The following DAB1 variants were observed in gnomAD, a reference collection of about 807,000 sequenced individuals.
DAB1 encodes the protein DAB adaptor protein 1, also known as disabled homolog 1.
In DAB1, 15 loss-of-function variants were observed where a neutral mutation model predicts 64.6. The observed-to-expected ratio is 0.23, with a 90% CI of 0.16 to 0.36. DAB1 has a LOEUF of 0.36. DAB1 is among the 10% of genes least tolerant of loss of function. The pLI is 1.00. For synonymous variants in DAB1, 235 were observed against 251.9 expected, an observed-to-expected ratio of 0.93 and a Z score of 0.64; for missense variants, 596 against 706.7, an observed-to-expected ratio of 0.84 and a Z score of 1.78.
intron 7 of DAB1, among the ~76,000 whole-genome samples, chr1:57,502,659 G>A (rs1644303830): frequency 6.6e-6 from 1 of 152,102 alleles, no homozygotes; most frequent in Non-Finnish European, 1.5e-5. Context: ...GAATAAACAA[G>A]GTCATTGATC....
chr1:57,502,046 C>A (rs1644294553), intron 7 of DAB1, among the ~76,000 whole-genome samples: 1 of 152,036 alleles, frequency 6.6e-6, no homozygotes, highest in African/African-American at 2.4e-5. Context: ...ACCGGCCGGT[C>A]GCGGTGGCTC....
chr1:57,118,358 T>G (rs1656331262), intron 4 of DAB1, among the ~76,000 whole-genome samples: 1 of 152,204 alleles, frequency 6.6e-6, no homozygotes, highest in South Asian at 2.1e-4. Context: ...ACATAATTCA[T>G]GTTTGGACAA....
intron 8 of DAB1, among the ~76,000 whole-genome samples, chr1:57,067,383 C>G (rs538139508): frequency 6.6e-6 from 1 of 152,110 alleles, no homozygotes; most frequent in African/African-American, 2.4e-5. Context: ...GCAGTGGGGG[C>G]TCTACCTATT....
intron 9 of DAB1, among the ~76,000 whole-genome samples, chr1:57,057,841 C>T (rs957722420): frequency 1.3e-5 from 2 of 152,142 alleles, no homozygotes; most frequent in South Asian, 2.1e-4. Flanking sequence ...ATCTCCTGAC[C>T]TCCTGATCCG....
chr1:58,223,767 T>A (rs186535250), intron 4 of DAB1, among the ~76,000 whole-genome samples: 185 of 152,306 alleles, frequency 1.2e-3, no homozygotes, highest in African/African-American at 4.3e-3. Flanking sequence ...CCAGTCCTGC[T>A]GGTGCTAATA....
chr1:57,481,643 C>G (rs1266130440), intron 7 of DAB1, among the ~76,000 whole-genome samples: 1 of 151,948 alleles, frequency 6.6e-6, no homozygotes, highest in African/African-American at 2.4e-5. Flanking sequence ...ATGGTGAAAC[C>G]CTGTCTCTAC....
chr1:57,285,742 A>G (rs900695866), intron 2 of DAB1, among the ~76,000 whole-genome samples: 1 of 152,184 alleles, frequency 6.6e-6, no homozygotes, highest in Admixed American at 6.5e-5. Flanking sequence ...GCTGTGCTCC[A>G]AAGTCAGTGC....
chr1:57,665,046 A>G (rs189456173), intron 6 of DAB1, among the ~76,000 whole-genome samples: 15 of 152,174 alleles, frequency 9.9e-5, no homozygotes, highest in Non-Finnish European at 1.9e-4. Flanking sequence ...TTTAAATTAA[A>G]ACCTACGCCA....
Position 57,011,290 on chromosome 1 carries a change from A to T in DAB1, c.1445-18T>A. ...GGTTGGAGCTACACAGAGACCACAG[A>T]AAAAGAGACATCTTAAGTGCCTGGC... On this transcript the variant is annotated intron_variant, in intron 12 of 14. Transcript: ENST00000371236. 1 of 1,609,926 alleles carries T rather than the reference A, an allele frequency of 6.2e-7. No individual in the cohort carries two copies. Among genetic ancestry groups the T allele is most frequent in the Non-Finnish European group, 8.5e-7 (1 of 1,178,622 alleles).
intron 2 of DAB1, among the ~76,000 whole-genome samples, chr1:57,290,479 G>A (rs1468480914): frequency 2.0e-5 from 3 of 152,174 alleles, no homozygotes; most frequent in Non-Finnish European, 2.9e-5. Flanking sequence ...GCCGGAGTTT[G>A]ACAACCACTG....
At chr1:58,246,989 T>C (rs1660568831) in intron 4 of DAB1, among the ~76,000 whole-genome samples, 1 of 152,050 alleles carries the variant, frequency 6.6e-6, no homozygotes, top group Admixed American at 6.5e-5. Context: ...TTGAAGTCTA[T>C]AGTCAGGAAT....
chr1:57,166,961 G>GGCTCAGATTTTGGAGAAATTTGAGTGCCA (rs1661261915), intron 2 of DAB1, among the ~76,000 whole-genome samples: 2 of 152,138 alleles, frequency 1.3e-5, no homozygotes, highest in Non-Finnish European at 2.9e-5. Flanking sequence ...GTGCAGTTCA[G>GGCTCAGATTTTGGAGAAATTTGAGTGCCA]GCTCAGATTT....
intron 4 of DAB1, among the ~76,000 whole-genome samples, chr1:58,209,927 A>T (rs1289659797): frequency 6.6e-6 from 1 of 152,192 alleles, no homozygotes; most frequent in African/African-American, 2.4e-5. Flanking sequence ...AGTTTCCCTT[A>T]TCTTTCCTAG....
chr1:57,563,644 C>G (rs2263447), intron 7 of DAB1, among the ~76,000 whole-genome samples: 3 of 151,952 alleles, frequency 2.0e-5, no homozygotes. Flanking sequence ...GAGATTATAT[C>G]CTGCACCTGG....
chr1:58,152,336 C>T (rs1260731424), intron 4 of DAB1, among the ~76,000 whole-genome samples: 1 of 152,144 alleles, frequency 6.6e-6, no homozygotes, highest in Non-Finnish European at 1.5e-5. Context: ...TCTACCACTG[C>T]CTTATCAGAG....
chr1:57,230,602 C>T (rs941267732), intron 2 of DAB1, among the ~76,000 whole-genome samples: 1 of 152,022 alleles, frequency 6.6e-6, no homozygotes, highest in Non-Finnish European at 1.5e-5. Context: ...GTTCATGTCA[C>T]AACTTTGTGA....
intron 4 of DAB1, among the ~76,000 whole-genome samples, chr1:57,127,964 A>C (rs1247799521): frequency 6.6e-6 from 1 of 152,004 alleles, no homozygotes; most frequent in Non-Finnish European, 1.5e-5. Flanking sequence ...ACTAGCCAAC[A>C]TGGTGAAATC....
chr1:57,853,260 A>G (rs1431470794), intron 1 of DAB1, among the ~76,000 whole-genome samples: 1 of 151,494 alleles, frequency 6.6e-6, no homozygotes, highest in Admixed American at 6.6e-5. Flanking sequence ...AAAAAAAAAA[A>G]GCCATTTGGG....
At chr1:58,509,076 T>C (rs1337782802) in intron 2 of DAB1, among the ~76,000 whole-genome samples, 6 of 152,096 alleles carry the variant, frequency 3.9e-5, no homozygotes, top group Admixed American at 6.6e-5. Flanking sequence ...CTGGTGAAGA[T>C]CTTCTCCTGT....
Sources: gnomAD v4.1 joint callset for allele counts (sites outside exome capture counted in the v4.1 genomes callset) on GRCh38, gnomAD v4.1.1 for gene constraint, MANE v1.5 for transcripts, NCBI Gene and HGNC (gene_info 2026-07-23, HGNC 2026-07-21) for gene names.